The following CTNNBIP1 variants were observed in gnomAD, a reference collection of about 807,000 sequenced individuals.
The protein encoded by CTNNBIP1 is catenin beta interacting protein 1.
In CTNNBIP1, 7 loss-of-function variants were observed where a neutral mutation model predicts 11.8. That is an observed-to-expected ratio of 0.60 (90% CI 0.34 to 1.12). The LOEUF is 1.12. CTNNBIP1 is among the 50% of genes most tolerant of loss of function. The pLI, the probability that CTNNBIP1 is intolerant of heterozygous loss-of-function variation, is 0.03. For missense variants in CTNNBIP1, 101 were observed against 113.4 expected (o/e 0.89, Z 0.50); for synonymous variants, 58 against 43.9 (o/e 1.32, Z -1.26).
Position 9,879,861 on chromosome 1 carries a change from T to C in CTNNBIP1, c.-109-1872A>G, listed in dbSNP as rs569894014. Reference sequence around the variant, plus strand: ...GACTTCCAGGGAAGGGGTCAAAGGATAGGGACTGTCCAGGGATTCACGGAC... The same window carrying C: ...GACTTCCAGGGAAGGGGTCAAAGGACAGGGACTGTCCAGGGATTCACGGAC... On this transcript the variant is annotated intron_variant, in intron 2 of 5. Coordinates refer to ENST00000377263, the MANE Select transcript of CTNNBIP1 (RefSeq NM_020248.3). Among the ~76,000 whole-genome samples the C allele has an allele frequency of 3.3e-5, 5 of 152,320 alleles. No individual in the cohort carries two copies. The East Asian group carries it at 7.7e-4, about 23-fold the overall frequency.
chr1:9,856,606 C>T (rs868110385), intron 5 of CTNNBIP1, among the ~76,000 whole-genome samples: 12 of 151,318 alleles, frequency 7.9e-5, no homozygotes, highest in Non-Finnish European at 1.6e-4. Context: ...CTCCGCCTCC[C>T]GCATTCAAGC....
chr1:9,863,558 C>T (rs2101459255), intron 5 of CTNNBIP1, among the ~76,000 whole-genome samples: 1 of 152,338 alleles, frequency 6.6e-6, no homozygotes, highest in South Asian at 2.1e-4. Flanking sequence ...CTCCAGCAGC[C>T]TGGCCCTGGA....
chr1:9,866,754 G>A (rs904610390), intron 5 of CTNNBIP1, among the ~76,000 whole-genome samples: 2 of 152,066 alleles, frequency 1.3e-5, no homozygotes, highest in Non-Finnish European at 2.9e-5. Context: ...CAGCTGTGGG[G>A]GTAGAGAGCA....
chr1:9,850,093 A>T lies in CTNNBIP1; in HGVS notation c.*625T>A, dbSNP rs1465388736. On this transcript the variant is annotated 3_prime_UTR_variant, in exon 6 of 6. Coordinates refer to ENST00000377263, the MANE Select transcript of CTNNBIP1 (RefSeq NM_020248.3). ...AACACACGCATCGAAAGCCAATCAA[A>T]CACAAACCCCAAATGTGAAGGCAGC... 6.6e-6 allele frequency: 1 copy of T among 152,668 alleles called. No individual in the cohort carries two copies. The highest frequency in any genetic ancestry group is 3.2e-3 in the Middle Eastern group (1 of 316). 9.5% of individuals were successfully genotyped at this position (152,668 alleles called of 1,614,324 possible).
chr1:9,878,540 A>G (rs1639018021), intron 2 of CTNNBIP1, among the ~76,000 whole-genome samples: 1 of 152,240 alleles, frequency 6.6e-6, no homozygotes, highest in Non-Finnish European at 1.5e-5. Context: ...GCACAGTCGC[A>G]GCTTGTTCAC....
At chr1:9,884,716 G>A (rs983419666) in intron 1 of CTNNBIP1, among the ~76,000 whole-genome samples, 4 of 152,188 alleles carry the variant, frequency 2.6e-5, no homozygotes, top group African/African-American at 9.6e-5. Flanking sequence ...AATAAAACAC[G>A]AGTGATGGGG....
At chr1:9,898,301 G>A (rs578222605) in intron 1 of CTNNBIP1, among the ~76,000 whole-genome samples, 4 of 152,080 alleles carry the variant, frequency 2.6e-5, no homozygotes, top group Admixed American at 6.6e-5. Flanking sequence ...CAAGGTGGGC[G>A]CATCACGAGG....
chr1:9,869,004 T>A (rs193286020), intron 5 of CTNNBIP1, among the ~76,000 whole-genome samples: 2 of 152,192 alleles, frequency 1.3e-5, no homozygotes, highest in Non-Finnish European at 2.9e-5. Context: ...CTTTTAAAAA[T>A]TTTTTAAATT....
chr1:9,890,375 TG>T (rs1251451415), intron 1 of CTNNBIP1, among the ~76,000 whole-genome samples: 1 of 152,046 alleles, frequency 6.6e-6, no homozygotes, highest in Non-Finnish European at 1.5e-5. Flanking sequence ...CTCTGCACAG[TG>T]GGGGGACAAG....
chr1:9,891,277 G>A (rs1470041401), intron 1 of CTNNBIP1, among the ~76,000 whole-genome samples: 1 of 152,100 alleles, frequency 6.6e-6, no homozygotes, highest in Admixed American at 6.5e-5. Context: ...GGCAGGCCTG[G>A]GCATGGCCCG....
rs1638877767 is a variant in CTNNBIP1 at position 9,872,191 on chromosome 1, C to T, written c.-24-103G>A. 4 of 714,442 alleles carry T rather than the reference C, an allele frequency of 5.6e-6. No homozygotes were observed. The highest frequency in any genetic ancestry group is 9.7e-6 in the Non-Finnish European group (4 of 410,642). 44.3% of individuals were successfully genotyped at this position (714,442 alleles called of 1,614,324 possible). ...CTCACTCCTCCCAGGAGCCGCTTTCCACCCACAGTCTCCCTTCTGGGAGCA... is the reference window on the plus strand; with the variant it reads ...CTCACTCCTCCCAGGAGCCGCTTTCTACCCACAGTCTCCCTTCTGGGAGCA... On this transcript the variant is annotated intron_variant, in intron 3 of 5. Coordinates refer to ENST00000377263, the MANE Select transcript of CTNNBIP1 (RefSeq NM_020248.3). The surrounding 1 kb of genome is among the most constrained non-coding windows in gnomAD (Gnocchi z 4.0).
At position 9,867,192 on chromosome 1, in the gene CTNNBIP1, G is replaced by C. The variant is rs931323649; in HGVS notation, c.187+3995C>G. On this transcript the variant is annotated intron_variant, in intron 5 of 5. Coordinates refer to ENST00000377263, the MANE Select transcript of CTNNBIP1 (RefSeq NM_020248.3). The surrounding 1 kb of genome is among the most constrained non-coding windows in gnomAD (Gnocchi z 4.6). ...AACAGCCAGTGAGGGGTGACGTGAA[G>C]GACAAGGGAGGGAAAGGAGGCTGTC... 3.1e-4 allele frequency among the ~76,000 whole-genome samples: 47 copies of C among 152,172 alleles called. No individual in the cohort carries two copies. Among genetic ancestry groups the C allele is most frequent in the African/African-American group, 1.0e-3 (43 of 41,428 alleles).
In CTNNBIP1 at chr1:9,867,449, G is replaced by A. The variant is rs1638770712; in HGVS notation, c.187+3738C>T. ...CCTGGGCCTCAAGTAAGGGAGCAGT[G>A]CCCCAGGTACCAGACCCATCCAGCC... On this transcript the variant is annotated intron_variant, in intron 5 of 5. Coordinates refer to ENST00000377263, the MANE Select transcript of CTNNBIP1 (RefSeq NM_020248.3). This position sits in a 1 kb window ranked among gnomAD's most constrained non-coding sequence, Gnocchi z 4.6. Among the ~76,000 whole-genome samples, 2 of 152,212 alleles carry A rather than the reference G, an allele frequency of 1.3e-5. No individual in the cohort carries two copies. The highest frequency in any genetic ancestry group is 1.3e-4 in the Admixed American group (2 of 15,288).
rs1358903511 is a variant in CTNNBIP1, at chr1:9,871,938, G to A, written c.96+31C>T. On this transcript the variant is annotated intron_variant, in intron 4 of 5. Transcript: ENST00000377263. This position sits in a 1 kb window ranked among gnomAD's most constrained non-coding sequence, Gnocchi z 5.2. ...CCTCCCTGGGAGACCCTCCCTGGGG[G>A]CCCGCTGCCTGACACCCCACAGGCA... The A allele has an allele frequency of 6.3e-7, 1 of 1,587,538 alleles. No homozygotes were observed. The highest frequency in any genetic ancestry group is 8.7e-7 in the Non-Finnish European group (1 of 1,156,030).
At chr1:9,869,954 C>G (rs1489828508) in intron 5 of CTNNBIP1, among the ~76,000 whole-genome samples, 1 of 152,246 alleles carries the variant, frequency 6.6e-6, no homozygotes, top group African/African-American at 2.4e-5. Flanking sequence ...ATCCAGGAGG[C>G]ACACCTGGGC....
chr1:9,897,473 A>AAAAAC (rs1473202200), intron 1 of CTNNBIP1, among the ~76,000 whole-genome samples: 3 of 150,926 alleles, frequency 2.0e-5, no homozygotes, highest in South Asian at 2.1e-4. Context: ...AAACAAAAAC[A>AAAAAC]AAAACAAAAC....
chr1:9,877,512 G>A (rs1363316541), intron 3 of CTNNBIP1, among the ~76,000 whole-genome samples: 3 of 152,212 alleles, frequency 2.0e-5, no homozygotes, highest in Non-Finnish European at 4.4e-5. Context: ...CACATGAGCT[G>A]CCTCCAGCCC....
At chr1:9,869,174 A>AT (rs931490199) in intron 5 of CTNNBIP1, among the ~76,000 whole-genome samples, 9 of 150,040 alleles carry the variant, frequency 6.0e-5, no homozygotes, top group African/African-American at 1.7e-4. Context: ...TAGTTTTTGT[A>AT]TTTTTTGTAG....
chr1:9,908,358 G>C (rs1205417786), intron 1 of CTNNBIP1, among the ~76,000 whole-genome samples: 4 of 126,398 alleles, frequency 3.2e-5, no homozygotes, highest in Admixed American at 1.8e-4. Context: ...AGTCCGCCCT[G>C]ATCCACAGAT....
Sources: allele counts gnomAD v4.1 joint callset (sites outside exome capture counted in the v4.1 genomes callset), GRCh38; gene constraint gnomAD v4.1.1; non-coding constraint Gnocchi (gnomAD v3.1); transcripts MANE v1.5; gene names NCBI Gene and HGNC (gene_info 2026-07-23, HGNC 2026-07-21).